ARHGEF3: variants seen among roughly 807,000 people sequenced by gnomAD.
ARHGEF3 encodes the protein Rho guanine nucleotide exchange factor 3.
In ARHGEF3, 28 loss-of-function variants were observed where a neutral mutation model predicts 63.2. The observed-to-expected ratio is 0.44, with a 90% CI of 0.33 to 0.61. The LOEUF (loss-of-function observed/expected upper bound fraction) is 0.61, where lower values mean the gene tolerates loss of function less well. Ranked by LOEUF, ARHGEF3 falls within the 20% of genes least tolerant of loss-of-function variation. The pLI is 0.03. For synonymous variants in ARHGEF3, 266 were observed against 254.2 expected, an observed-to-expected ratio of 1.05 and a Z score of -0.44; for missense variants, 533 against 659.3, an observed-to-expected ratio of 0.81 and a Z score of 2.10.
At chr3:57,041,930 C>A (rs954184198) in intron 1 of ARHGEF3, among the ~76,000 whole-genome samples, 20 of 152,182 alleles carry the variant, frequency 1.3e-4, no homozygotes, top group Non-Finnish European at 1.5e-5. Flanking sequence ...TGACCCAGAG[C>A]CCTTGGCTAA....
chr3:56,882,178 T>C, intron 4 of ARHGEF3: 2 of 1,056,356 alleles, frequency 1.9e-6, no homozygotes, highest in Non-Finnish European at 2.7e-6. Flanking sequence ...GGTCACAACT[T>C]CCATAGTCAG....
intron 1 of ARHGEF3, among the ~76,000 whole-genome samples, chr3:57,042,686 A>ATTTTTTT (rs1560156239): frequency 5.2e-4 from 4 of 7,658 alleles, no homozygotes; most frequent in African/African-American, 7.8e-4. Flanking sequence ...ATATATATAT[A>ATTTTTTT]TATATATATA....
chr3:56,975,319 G>A (rs1701082201), intron 2 of ARHGEF3, among the ~76,000 whole-genome samples: 1 of 152,134 alleles, frequency 6.6e-6, no homozygotes, highest in Non-Finnish European at 1.5e-5. Context: ...TCGGGAGGCT[G>A]AGGCAGGGGA....
chr3:56,942,800 G>T lies in ARHGEF3; in HGVS notation c.129+16023C>A, dbSNP rs370012432. Among the ~76,000 whole-genome samples the T allele has an allele frequency of 1.6e-3, 243 of 152,308 alleles. 1 individual carries two copies. Among genetic ancestry groups the T allele is most frequent in the Middle Eastern group, 6.8e-3 (2 of 294 alleles). ...CTCCAGTGAACACATAAAAAGATAA[G>T]AAAGCAAAACAGCCTTATCGCTAAT... On this transcript the variant is annotated intron_variant, in intron 3 of 12. Coordinates refer to the ARHGEF3 transcript ENST00000338458.
chr3:56,917,049 G>C (rs2042008794), intron 3 of ARHGEF3, among the ~76,000 whole-genome samples: 1 of 152,164 alleles, frequency 6.6e-6, no homozygotes, highest in Non-Finnish European at 1.5e-5. Flanking sequence ...ATAATTCATG[G>C]CTGACATTTC....
At chr3:56,779,536 A>G (rs1351376080) in intron 1 of ARHGEF3, among the ~76,000 whole-genome samples, 1 of 151,658 alleles carries the variant, frequency 6.6e-6, no homozygotes, top group Non-Finnish European at 1.5e-5. Flanking sequence ...TCTGTCGCGC[A>G]GGCTGGAGTG....
intron 4 of ARHGEF3, among the ~76,000 whole-genome samples, chr3:56,831,826 G>A (rs777719210): frequency 2.6e-5 from 4 of 152,198 alleles, no homozygotes; most frequent in Non-Finnish European, 4.4e-5. Flanking sequence ...AAACAGAAAT[G>A]GCTCTCTTCC....
At chr3:56,861,097 C>A (rs1228669717) in intron 4 of ARHGEF3, among the ~76,000 whole-genome samples, 1 of 152,174 alleles carries the variant, frequency 6.6e-6, no homozygotes, top group Non-Finnish European at 1.5e-5. Flanking sequence ...GAAACCATGT[C>A]GGCTTTAGCT....
At chr3:56,839,530 G>T (rs901427587) in intron 4 of ARHGEF3, among the ~76,000 whole-genome samples, 2 of 152,164 alleles carry the variant, frequency 1.3e-5, no homozygotes, top group African/African-American at 4.8e-5. Context: ...ATCAGGGGAA[G>T]CTGGGAAAGG....
At chr3:56,894,521 G>C (rs1379687692) in intron 3 of ARHGEF3, among the ~76,000 whole-genome samples, 1 of 152,128 alleles carries the variant, frequency 6.6e-6, no homozygotes. Context: ...CAGGTTTTGT[G>C]GCTCAAGCCT....
chr3:56,802,954 G>A (rs539630329), upstream of ARHGEF3, among the ~76,000 whole-genome samples: 8 of 152,288 alleles, frequency 5.3e-5, no homozygotes, highest in South Asian at 1.7e-3. Flanking sequence ...GGCATGGAAA[G>A]ATCTCCAATG....
chr3:56,848,942 T>G (rs1214462060), intron 4 of ARHGEF3, among the ~76,000 whole-genome samples: 2 of 152,212 alleles, frequency 1.3e-5, no homozygotes, highest in Non-Finnish European at 2.9e-5. Flanking sequence ...CTGCTGAGAT[T>G]ATAGGCGTGA....
chr3:56,729,976 C>T (rs1344986448), intron 9 of ARHGEF3, among the ~76,000 whole-genome samples: 1 of 152,176 alleles, frequency 6.6e-6, no homozygotes, highest in African/African-American at 2.4e-5. Context: ...GACAGATGCG[C>T]TCAGAGGCTG....
intron 2 of ARHGEF3, among the ~76,000 whole-genome samples, chr3:57,025,796 C>G (rs762674445): frequency 6.6e-6 from 1 of 152,204 alleles, no homozygotes; most frequent in African/African-American, 2.4e-5. Context: ...CTGTCCTACT[C>G]ACCAATGTAT....
At chr3:57,035,572 C>A (rs1444450456) in intron 1 of ARHGEF3, among the ~76,000 whole-genome samples, 1 of 152,274 alleles carries the variant, frequency 6.6e-6, no homozygotes, top group Non-Finnish European at 1.5e-5. Context: ...TGGTCTTAAA[C>A]TCCTGACCTC....
chr3:56,932,131 T>A (rs1245613144), intron 3 of ARHGEF3, among the ~76,000 whole-genome samples: 1 of 152,192 alleles, frequency 6.6e-6, no homozygotes, highest in East Asian at 1.9e-4. Flanking sequence ...TTAGATTCAT[T>A]TCTGTTGCCT....
At chr3:57,027,866 A>T (rs34147961) in intron 2 of ARHGEF3, among the ~76,000 whole-genome samples, 17,956 of 152,102 alleles carry the variant, frequency 0.12, 1,418 homozygotes, top group Non-Finnish European at 0.17. Context: ...CTCAAAAAAA[A>T]AATCAAAGGT....
chr3:56,909,188 G>A lies in ARHGEF3; in HGVS notation c.130-26834C>T, dbSNP rs114084027. Among the ~76,000 whole-genome samples the A allele has an allele frequency of 4.8e-3, 730 of 152,310 alleles. 2 individuals are homozygous for A. The highest frequency in any genetic ancestry group is 0.017 in the African/African-American group (700 of 41,558). ...TCACCAGGAGCCAGGGGACCACACA[G>A]ACATTTTCATAACTATGTGCAGTTT... On this transcript the variant is annotated intron_variant, in intron 3 of 12. Transcript: ENST00000338458.
intron 8 of ARHGEF3, among the ~76,000 whole-genome samples, chr3:56,733,213 G>C (rs2033318598): frequency 6.6e-6 from 1 of 151,178 alleles, no homozygotes; most frequent in South Asian, 2.1e-4. Flanking sequence ...AACCCAGGAA[G>C]TGGAGCTTGC....
Sources: gnomAD v4.1 joint callset for allele counts (sites outside exome capture counted in the v4.1 genomes callset) on GRCh38, gnomAD v4.1.1 for gene constraint, MANE v1.5 for transcripts, NCBI Gene and HGNC (gene_info 2026-07-23, HGNC 2026-07-21) for gene names.